The following EFCC1 variants were observed in gnomAD, a reference collection of about 807,000 sequenced individuals.
The protein encoded by EFCC1 is EF-hand and coiled-coil domain-containing protein 1.
In EFCC1, 50 loss-of-function variants were observed where a neutral mutation model predicts 52.1. The ratio of observed to expected loss-of-function variants is 0.96; its 90% confidence interval spans 0.76 to 1.21. The LOEUF is 1.21. EFCC1 is among the 50% of genes most tolerant of loss of function. EFCC1 has a pLI of 0.00. For synonymous variants in EFCC1, 399 were observed against 396.5 expected (o/e 1.01, Z -0.08); for missense variants, 837 against 867.3 (o/e 0.97, Z 0.44).
At chr3:129,015,130 C>T (rs768035653) in intron 2 of EFCC1, among the ~76,000 whole-genome samples, 7 of 152,188 alleles carry the variant, frequency 4.6e-5, no homozygotes, top group African/African-American at 7.2e-5. Context: ...CTGTGACCTC[C>T]TCTGGTGACC....
Position 129,032,968 on chromosome 3 carries a change from T to C in EFCC1, c.1286+2T>C. On this transcript the variant is annotated splice_donor_variant, in intron 4 of 7. Transcript: ENST00000683648. LOFTEE classifies it high-confidence loss of function. ...CCGGCTCTCCAGCTGCAGAGGCAGG[T>C]GTGTGGCCCGTCCAGCGTCAGCCAC... 6 of 1,535,606 alleles carry C rather than the reference T, an allele frequency of 3.9e-6. No homozygotes were observed. Among genetic ancestry groups the C allele is most frequent in the Non-Finnish European group, 3.5e-6 (4 of 1,138,164 alleles).
Position 129,003,782 on chromosome 3 carries a change from C to A in EFCC1, c.697-12C>A. The A allele has an allele frequency of 7.0e-7, 1 of 1,432,794 alleles. No individual in the cohort carries two copies. Among genetic ancestry groups the A allele is most frequent in the Non-Finnish European group, 9.1e-7 (1 of 1,098,004 alleles). The allele number at this position is 1,432,794 out of a possible 1,614,324, so 88.8% of individuals were successfully genotyped here. A position where few individuals can be genotyped will look rare whatever the true frequency, so the allele number is the denominator to read the frequency against. ...GCACTTACCCCCTGCCCCTGCTGCC[C>A]TGTCCCCGCAGGTCGGACTCTGGAA... On this transcript the variant is annotated splice_polypyrimidine_tract_variant and intron_variant, in intron 1 of 7. Coordinates refer to ENST00000683648, the MANE Select transcript of EFCC1 (RefSeq NM_001377500.1).
At position 129,030,726 on chromosome 3, in the gene EFCC1, C is replaced by A. The variant is rs1255989519; in HGVS notation, c.1004C>A (p.Thr335Asn). Residue 335 changes from threonine (T) to asparagine (N), a missense_variant, in exon 3 of 8, where the codon ACC becomes AAC. By Grantham distance (65) the Thr-to-Asn change is moderately conservative. Transcript: ENST00000683648. ...RYRSEDSQLPTPQLANPEPGD... is the reference protein window; with the variant it reads ...RYRSEDSQLPNPQLANPEPGD... ...AGGTCAGAGGATTCCCAGCTCCCAACCCCGCAGCTAGCCAACCCAGAGCCA... is the reference window on the plus strand; with the variant it reads ...AGGTCAGAGGATTCCCAGCTCCCAAACCCGCAGCTAGCCAACCCAGAGCCA... 6.4e-7 allele frequency: 1 copy of A among 1,551,472 alleles called. No individual in the cohort carries two copies. Among genetic ancestry groups the A allele is most frequent in the African/African-American group, 1.4e-5 (1 of 72,992 alleles).
intron 3 of EFCC1, 92 bp downstream of exon 3, chr3:129,030,952 C>T: frequency 7.1e-7 from 1 of 1,410,400 alleles, no homozygotes; most frequent in Non-Finnish European, 9.3e-7. Flanking sequence ...TGCATCCATG[C>T]TACCACCAGC....
At chr3:129,018,749 C>T (rs909749211) in intron 2 of EFCC1, among the ~76,000 whole-genome samples, 1 of 152,182 alleles carries the variant, frequency 6.6e-6, no homozygotes, top group Admixed American at 6.5e-5. Context: ...AGTCCCTCCC[C>T]GGTGATTTCT....
chr3:129,007,383 C>A (rs1559957482), intron 2 of EFCC1, among the ~76,000 whole-genome samples: 1 of 152,294 alleles, frequency 6.6e-6, no homozygotes, highest in East Asian at 1.9e-4. Flanking sequence ...CAGTAGAGCC[C>A]CATCACACCC....
chr3:129,010,315 C>T lies in EFCC1; in HGVS notation c.980+6238C>T, dbSNP rs1208023977. ...TCTGAAGCCAAGGAGCAGCTGAGTC[C>T]CCTTGATGGGGCCTTCAGGACACCG... On this transcript the variant is annotated intron_variant, in intron 2 of 7. Transcript: ENST00000683648. The surrounding 1 kb of genome is among the most constrained non-coding windows in gnomAD (Gnocchi z 4.3). 6.6e-6 allele frequency among the ~76,000 whole-genome samples: 1 copy of T among 152,190 alleles called. No homozygotes were observed. The highest frequency in any genetic ancestry group is 1.5e-5 in the Non-Finnish European group (1 of 68,034).
chr3:129,019,925 C>T (rs1012112019), intron 2 of EFCC1, among the ~76,000 whole-genome samples: 4 of 151,898 alleles, frequency 2.6e-5, no homozygotes, highest in Non-Finnish European at 4.4e-5. Flanking sequence ...CCCACCACCA[C>T]GCCCGGCTAA....
At chr3:129,027,254 G>A (rs1946146721) in intron 2 of EFCC1, among the ~76,000 whole-genome samples, 1 of 152,200 alleles carries the variant, frequency 6.6e-6, no homozygotes, top group Non-Finnish European at 1.5e-5. Context: ...AGGCCCCGCG[G>A]GCGGCGGCGG....
At chr3:129,006,747 G>C (rs566437719) in intron 2 of EFCC1, among the ~76,000 whole-genome samples, 27 of 152,282 alleles carry the variant, frequency 1.8e-4, no homozygotes, top group Admixed American at 7.8e-4. Flanking sequence ...CGGTGATTAG[G>C]CAGATGGCTG....
At position 129,038,863 on chromosome 3, in the gene EFCC1, G is replaced by A; in HGVS notation, c.1626G>A (p.Leu542=). ...CGAAAAGAGCCCTGGGGAAGATTTTGCTGAGCACGCTGGACGCTTTCAGGG... is the reference window on the plus strand; with the variant it reads ...CGAAAAGAGCCCTGGGGAAGATTTTACTGAGCACGCTGGACGCTTTCAGGG... The part of the protein sequence containing the change: ...NISKRALGKI[L]LSTLDAFRDP... Residue 542 remains leucine, a synonymous_variant, in exon 7 of 8, where the codon TTG becomes TTA. Coordinates refer to ENST00000683648, the MANE Select transcript of EFCC1 (RefSeq NM_001377500.1). 3 of 1,613,948 alleles carry A rather than the reference G, an allele frequency of 1.9e-6. No individual in the cohort carries two copies. The highest frequency in any genetic ancestry group is 2.5e-6 in the Non-Finnish European group (3 of 1,180,018).
intron 2 of EFCC1, among the ~76,000 whole-genome samples, chr3:129,028,294 G>A (rs1442250841): frequency 1.3e-5 from 2 of 151,884 alleles, no homozygotes; most frequent in Non-Finnish European, 2.9e-5. Flanking sequence ...ATGTTGGCCA[G>A]GCTGGTCTCT....
chr3:129,026,318 C>T (rs1946106626), intron 2 of EFCC1, among the ~76,000 whole-genome samples: 1 of 151,926 alleles, frequency 6.6e-6, no homozygotes, highest in African/African-American at 2.4e-5. Flanking sequence ...GCTGTCCCTC[C>T]ATCTCATTTT....
At chr3:129,035,547 T>C (rs1385743321) in intron 5 of EFCC1, among the ~76,000 whole-genome samples, 1 of 152,178 alleles carries the variant, frequency 6.6e-6, no homozygotes, top group Non-Finnish European at 1.5e-5. Flanking sequence ...CTGCAGTAGA[T>C]TGGACAAAGA....
intron 2 of EFCC1, among the ~76,000 whole-genome samples, chr3:129,015,403 T>C (rs1041083273): frequency 1.3e-5 from 2 of 152,098 alleles, no homozygotes; most frequent in South Asian, 4.1e-4. Context: ...GATGACTTCA[T>C]TGAGGTCTGC....
chr3:129,022,221 T>C (rs922856), intron 2 of EFCC1, among the ~76,000 whole-genome samples: 8 of 152,170 alleles, frequency 5.3e-5, no homozygotes, highest in African/African-American at 1.2e-4. Context: ...TTCATCCTCA[T>C]AGGACCGCCA....
At chr3:129,015,654 T>C (rs1316007542) in intron 2 of EFCC1, among the ~76,000 whole-genome samples, 1 of 151,614 alleles carries the variant, frequency 6.6e-6, no homozygotes, top group African/African-American at 2.4e-5. Context: ...CGCCATCCCC[T>C]GCTCAGTAAA....
chr3:129,002,595 C>T, intron 1 of EFCC1: 1 of 529,958 alleles, frequency 1.9e-6, no homozygotes, highest in South Asian at 3.8e-5. Context: ...GCTCCACCGC[C>T]ACATCATCGC....
intron 3 of EFCC1, 123 bp from the exon 4 acceptor site, chr3:129,032,696 T>C (rs1946295257): frequency 1.5e-6 from 2 of 1,376,522 alleles, no homozygotes; most frequent in Admixed American, 2.6e-5. Flanking sequence ...TGGGGGTGGC[T>C]GTCTCAAGAG....
Sources: gnomAD v4.1 joint callset for allele counts (sites outside exome capture counted in the v4.1 genomes callset) on GRCh38, gnomAD v4.1.1 for gene constraint, Gnocchi (gnomAD v3.1) non-coding constraint, MANE v1.5 for transcripts, NCBI Gene and HGNC (gene_info 2026-07-23, HGNC 2026-07-21) for gene names.